The following MEGF6 variants were observed in gnomAD, a reference collection of about 807,000 sequenced individuals.
The protein encoded by MEGF6 is multiple EGF like domains 6.
In MEGF6, 184 loss-of-function variants were observed where a neutral mutation model predicts 207.1. The ratio of observed to expected loss-of-function variants is 0.89; its 90% CI spans 0.79 to 1.00. MEGF6 has a LOEUF of 1.00. Among genes scored for constraint, MEGF6 ranks in the 50% least tolerant of loss-of-function variants. The pLI, the probability that MEGF6 is intolerant of heterozygous loss-of-function variation, is 0.00. For synonymous variants in MEGF6, 1,038 were observed against 910.0 expected, an observed-to-expected ratio of 1.14 and a Z score of -2.53; for missense variants, 2,282 against 2,202.9, an observed-to-expected ratio of 1.04 and a Z score of -0.72.
intron 3 of MEGF6, among the ~76,000 whole-genome samples, chr1:3,587,124 C>G (rs564677110): frequency 2.6e-5 from 4 of 152,368 alleles, no homozygotes; most frequent in South Asian, 4.1e-4. Context: ...ACTTTGCCAA[C>G]AAGGACAAGC....
At chr1:3,531,110 A>T (rs1249965915) in intron 4 of MEGF6, 155 of 1,527,808 alleles carry the variant, frequency 1.0e-4, no homozygotes, top group Non-Finnish European at 1.3e-4. Flanking sequence ...CTCACGGGGT[A>T]GCCGGCCTGG....
At chr1:3,490,659 G>A (rs1201501623) in intron 36 of MEGF6, 70 bp from the exon 37 acceptor site, 1 of 1,536,656 alleles carries the variant, frequency 6.5e-7, no homozygotes, top group Admixed American at 1.9e-5. Flanking sequence ...TGGGTTCTGG[G>A]TTGGCACCTC....
chr1:3,563,144 G>A (rs561415122), intron 4 of MEGF6, among the ~76,000 whole-genome samples: 6 of 152,256 alleles, frequency 3.9e-5, no homozygotes, highest in South Asian at 2.1e-4. Flanking sequence ...CAAGCCCAGC[G>A]CCGGCCCCTC....
chr1:3,493,625 C>A, intron 34 of MEGF6, 146 bp downstream of exon 34: 1 of 1,176,532 alleles, frequency 8.5e-7, no homozygotes, highest in Non-Finnish European at 1.2e-6. Flanking sequence ...ACTCCAGCCC[C>A]CCCAGGGGGC....
rs186910726 is a variant in MEGF6, at chr1:3,561,960, G to A, written c.481+17865C>T. On this transcript the variant is annotated intron_variant, in intron 4 of 36. Transcript: ENST00000356575. ...ATTCCTTGGTTCCTCCAAAGATCCA[G>A]GTCTTCACTCCCCTCCGTGGCCGAG... Among the ~76,000 whole-genome samples, 499 of 152,346 alleles carry A rather than the reference G, an allele frequency of 3.3e-3. 1 individual carries two copies. The highest frequency in any genetic ancestry group is 5.8e-3 in the South Asian group (28 of 4,822).
chr1:3,509,054 G>C, intron 12 of MEGF6, 21 bp downstream of exon 12: 1 of 1,525,558 alleles, frequency 6.6e-7, no homozygotes, highest in Non-Finnish European at 8.8e-7. Context: ...AGGAGCCCCC[G>C]GGGGCTGGGC....
chr1:3,529,489 G>A (rs969861755), intron 4 of MEGF6, among the ~76,000 whole-genome samples: 2 of 152,248 alleles, frequency 1.3e-5, no homozygotes, highest in African/African-American at 4.8e-5. Context: ...AGACGAGTGG[G>A]CTCAGAGAGC....
In MEGF6 at chr1:3,579,893, C is replaced by A; in HGVS notation, c.413G>T (p.Arg138Leu). Residue 138 changes from arginine to leucine, a missense_variant, in exon 4 of 37, where the codon CGT becomes CTT. Arg to Leu is a moderately radical substitution (Grantham distance 102). Coordinates refer to ENST00000356575, the MANE Select transcript of MEGF6 (RefSeq NM_001409.4). ...CGGCTGGGCTGAGCCTGGCACACAA[C>A]GGCCACCGTGAAAACAGAGGCTGGC... ...CSASLCFHGG[R>L]CVPGSAQPCH... The A allele has an allele frequency of 1.3e-6, 2 of 1,534,778 alleles. No individual in the cohort carries two copies. Among genetic ancestry groups the A allele is most frequent in the Non-Finnish European group, 1.7e-6 (2 of 1,149,264 alleles).
chr1:3,585,153 T>G (rs1230322163), intron 3 of MEGF6, among the ~76,000 whole-genome samples: 12 of 148,924 alleles, frequency 8.1e-5, no homozygotes, highest in Non-Finnish European at 1.5e-4. Flanking sequence ...GTCCTGTGTG[T>G]GGGTGTGTGG....
intron 4 of MEGF6, among the ~76,000 whole-genome samples, chr1:3,536,711 G>A (rs764808876): frequency 2.0e-5 from 3 of 152,176 alleles, no homozygotes; most frequent in Non-Finnish European, 2.9e-5. Flanking sequence ...AGCCCCCAGC[G>A]GCTGGCTCCA....
At chr1:3,501,658 G>A in intron 18 of MEGF6, 138 bp downstream of exon 18, 1 of 1,259,036 alleles carries the variant, frequency 7.9e-7, no homozygotes, top group East Asian at 2.6e-5. Context: ...CTACCCCAGG[G>A]GAGTGCACTG....
chr1:3,496,273 G>T (rs1246198207), intron 29 of MEGF6, among the ~76,000 whole-genome samples: 4 of 152,216 alleles, frequency 2.6e-5, no homozygotes, highest in Admixed American at 6.5e-5. Flanking sequence ...GCTCTGCTGG[G>T]GTCCCAGAAG....
At chr1:3,553,007 C>A (rs1458470598) in intron 4 of MEGF6, among the ~76,000 whole-genome samples, 2 of 152,160 alleles carry the variant, frequency 1.3e-5, no homozygotes, top group Admixed American at 6.5e-5. Context: ...AGGTGCCCAG[C>A]CCCTAATCCC....
At chr1:3,562,223 C>A (rs1246775624) in intron 4 of MEGF6, among the ~76,000 whole-genome samples, 1 of 152,104 alleles carries the variant, frequency 6.6e-6, no homozygotes, top group Non-Finnish European at 1.5e-5. Flanking sequence ...TCTTTTCCTC[C>A]ATCTCTATCT....
At chr1:3,534,402 C>T (rs1009001520) in intron 4 of MEGF6, among the ~76,000 whole-genome samples, 1 of 152,190 alleles carries the variant, frequency 6.6e-6, no homozygotes, top group Admixed American at 6.5e-5. Flanking sequence ...GCATGTATGG[C>T]TTGCGTGTGT....
intron 2 of MEGF6, 48 bp from the exon 3 acceptor site, chr1:3,595,495 G>C: frequency 6.6e-7 from 1 of 1,511,426 alleles, no homozygotes; most frequent in Non-Finnish European, 9.2e-7. Context: ...GGGACTGGCT[G>C]TATTCGGCTC....
intron 29 of MEGF6, 150 bp from the exon 30 acceptor site, chr1:3,496,168 C>T (rs1640597815): frequency 1.7e-6 from 2 of 1,199,286 alleles, no homozygotes; most frequent in Non-Finnish European, 1.1e-6. Flanking sequence ...CATGCACCCA[C>T]CCTGGCATCT....
chr1:3,548,880 C>A (rs367908112), intron 4 of MEGF6, among the ~76,000 whole-genome samples: 24 of 152,172 alleles, frequency 1.6e-4, no homozygotes, highest in Non-Finnish European at 2.5e-4. Context: ...GGGACCCCCC[C>A]ACACCCACAG....
At position 3,589,106 on chromosome 1, in the gene MEGF6, GC is replaced by G. The variant is rs1367686953; in HGVS notation, c.376+6231del. Reference sequence around the variant, plus strand: ...GTGGGCCCTAGGGCCTATAGAAAAGGCCCCAGAGACACACAGAGGGGAGATG... The same window carrying G: ...GTGGGCCCTAGGGCCTATAGAAAAGGCCCAGAGACACACAGAGGGGAGATG... On this transcript the variant is annotated intron_variant, in intron 3 of 36. Transcript: ENST00000356575. 5.9e-5 allele frequency among the ~76,000 whole-genome samples: 9 copies of G among 152,298 alleles called. No individual in the cohort carries two copies. In the South Asian group the frequency reaches 1.9e-3, roughly 32 times the overall value.
Sources: gnomAD v4.1 joint callset for allele counts (sites outside exome capture counted in the v4.1 genomes callset) on GRCh38, gnomAD v4.1.1 for gene constraint, MANE v1.5 for transcripts, NCBI Gene and HGNC (gene_info 2026-07-23, HGNC 2026-07-21) for gene names.